The following VASH2 variants were observed in gnomAD, a reference collection of about 807,000 sequenced individuals.
VASH2 encodes vasohibin 2.
VASH2 carries 28 observed loss-of-function variants against 37.2 expected under a neutral mutation model. The observed-to-expected ratio is 0.75, with a 90% confidence interval of 0.56 to 1.03. VASH2 has a LOEUF of 1.03. Ranked by LOEUF, VASH2 falls within the 50% of genes least tolerant of loss-of-function variation. The probability of loss-of-function intolerance (pLI) is 0.00; values close to 1 mark genes in which losing one functional copy is unlikely to be tolerated. For synonymous variants in VASH2, 188 were observed against 174.7 expected (o/e 1.08, Z -0.60); for missense variants, 419 against 459.1 (o/e 0.91, Z 0.80).
Position 212,989,630 on chromosome 1 carries a change from G to A in VASH2, c.*1046G>A, listed in dbSNP as rs2075837201. The A allele has an allele frequency of 6.6e-6, 1 of 152,170 alleles. No homozygotes were observed. The highest frequency in any genetic ancestry group is 1.5e-5 in the Non-Finnish European group (1 of 68,028). 9.4% of individuals were successfully genotyped at this position (152,170 alleles called of 1,614,324 possible). On this transcript the variant is annotated 3_prime_UTR_variant, in exon 8 of 8. Coordinates refer to ENST00000517399, the MANE Select transcript of VASH2 (RefSeq NM_001301056.2). Reference sequence around the variant, plus strand: ...CTGATGTCTTATATTAAGACCAAATGTGACATGATGTGATTATCTTCCAGT... The same window carrying A: ...CTGATGTCTTATATTAAGACCAAATATGACATGATGTGATTATCTTCCAGT...
In VASH2 at chr1:212,990,589, G is replaced by T. The variant is rs537651119; in HGVS notation, c.*2005G>T. 8.5e-5 allele frequency: 13 copies of T among 152,278 alleles called. No individual in the cohort carries two copies. The highest frequency in any genetic ancestry group is 2.9e-4 in the African/African-American group (12 of 41,562). 9.4% of individuals were successfully genotyped at this position (152,278 alleles called of 1,614,324 possible). On this transcript the variant is annotated 3_prime_UTR_variant, in exon 8 of 8. Transcript: ENST00000517399. ...TAAGTACTGTTACATCTAAAATACA[G>T]AATGTCAAATGGTTGCATAGCTTGT...
At chr1:212,968,416 G>A in intron 5 of VASH2, 1 of 985,544 alleles carries the variant, frequency 1.0e-6, no homozygotes, top group South Asian at 4.7e-5. Flanking sequence ...CTGGGGACAG[G>A]AGGATTGGTC....
At chr1:212,978,483 C>T (rs1350298296) in intron 7 of VASH2, among the ~76,000 whole-genome samples, 2 of 152,184 alleles carry the variant, frequency 1.3e-5, no homozygotes, top group African/African-American at 4.8e-5. Context: ...GCCCCAAAGT[C>T]GATCCCAGCC....
intron 3 of VASH2, among the ~76,000 whole-genome samples, chr1:212,963,376 C>T (rs1015581823): frequency 2.6e-5 from 4 of 152,230 alleles, no homozygotes; most frequent in African/African-American, 9.6e-5. Flanking sequence ...ACCCACTCTT[C>T]TACCTGCTGA....
intron 5 of VASH2, chr1:212,968,388 A>G (rs575402455): frequency 1.6e-5 from 16 of 985,498 alleles, no homozygotes; most frequent in Admixed American, 6.1e-5. Context: ...GTGGAAGGAC[A>G]TGTGGCTCAG....
rs950648930 is a variant in VASH2 at position 212,950,991 on chromosome 1, C to G, written c.-205+251C>G. Among the ~76,000 whole-genome samples the G allele has an allele frequency of 3.9e-5, 6 of 152,244 alleles. No individual in the cohort carries two copies. The highest frequency in any genetic ancestry group is 1.4e-4 in the African/African-American group (6 of 41,474). On this transcript the variant is annotated intron_variant, in intron 1 of 7. Transcript: ENST00000517399. This position sits in a 1 kb window ranked among gnomAD's most constrained non-coding sequence, Gnocchi z 5.5. Reference sequence around the variant, plus strand: ...GTTCGTGGCTCCCCTCCTCTCTTGGCCACATCTGAGGACCCAGGAATGTGT... The same window carrying G: ...GTTCGTGGCTCCCCTCCTCTCTTGGGCACATCTGAGGACCCAGGAATGTGT...
At chr1:212,963,315 C>A (rs1023655885) in intron 3 of VASH2, among the ~76,000 whole-genome samples, 2 of 152,188 alleles carry the variant, frequency 1.3e-5, no homozygotes, top group Non-Finnish European at 2.9e-5. Context: ...GCTGCGGGGA[C>A]CTGCTCCCAG....
rs190663450 is a variant in VASH2 at position 212,989,013 on chromosome 1, T to G, written c.*429T>G. ...ATAACAGAAAGCAAAAATGGGTGGG[T>G]TTTTTTTAAGCAGTTATTACCTCAG... On this transcript the variant is annotated 3_prime_UTR_variant, in exon 8 of 8. Coordinates refer to ENST00000517399, the MANE Select transcript of VASH2 (RefSeq NM_001301056.2). 62 of 164,228 alleles carry G rather than the reference T, an allele frequency of 3.8e-4. No individual in the cohort carries two copies. The highest frequency in any genetic ancestry group is 3.4e-3 in the Admixed American group (58 of 17,168). The allele number at this position is 164,228 out of a possible 1,614,324, so 10.2% of individuals were successfully genotyped here. A position where few individuals can be genotyped will look rare whatever the true frequency, so the allele number is the denominator to read the frequency against.
chr1:212,963,245 G>T (rs1666730449), intron 3 of VASH2, among the ~76,000 whole-genome samples: 1 of 152,160 alleles, frequency 6.6e-6, no homozygotes, highest in South Asian at 2.1e-4. Context: ...TGACTGCGAA[G>T]GTCAATGACC....
At chr1:212,987,865 T>C (rs1257182655) in intron 7 of VASH2, among the ~76,000 whole-genome samples, 1 of 152,230 alleles carries the variant, frequency 6.6e-6, no homozygotes, top group African/African-American at 2.4e-5. Flanking sequence ...ATGTGAATGT[T>C]GTATTTCCCA....
intron 2 of VASH2, among the ~76,000 whole-genome samples, chr1:212,956,481 C>G (rs1447356963): frequency 6.6e-6 from 1 of 152,196 alleles, no homozygotes; most frequent in East Asian, 1.9e-4. Flanking sequence ...GTGGTGAGAC[C>G]GTTGAGGGGA....
intron 7 of VASH2, among the ~76,000 whole-genome samples, chr1:212,984,161 A>T (rs1667411104): frequency 6.6e-6 from 1 of 152,216 alleles, no homozygotes; most frequent in South Asian, 2.1e-4. Context: ...TGCGAGGGAA[A>T]AGACTAAGAA....
At chr1:212,957,967 G>A (rs1345389576) in intron 2 of VASH2, among the ~76,000 whole-genome samples, 3 of 152,224 alleles carry the variant, frequency 2.0e-5, no homozygotes, top group Non-Finnish European at 2.9e-5. Context: ...ATTAGGTCAT[G>A]TAATGCTTAC....
chr1:212,969,637 G>A (rs1429979802), intron 5 of VASH2, among the ~76,000 whole-genome samples: 1 of 152,182 alleles, frequency 6.6e-6, no homozygotes, highest in African/African-American at 2.4e-5. Context: ...CTGACCTCAG[G>A]TGATCTGCCC....
intron 2 of VASH2, among the ~76,000 whole-genome samples, chr1:212,956,810 C>T (rs1338740286): frequency 6.6e-6 from 1 of 152,090 alleles, no homozygotes; most frequent in Non-Finnish European, 1.5e-5. Context: ...TTATTATTTG[C>T]TTTTCTTCTT....
intron 7 of VASH2, among the ~76,000 whole-genome samples, 159 bp from the exon 8 acceptor site, chr1:212,988,353 G>C (rs2075818237): frequency 6.6e-6 from 1 of 152,196 alleles, no homozygotes; most frequent in African/African-American, 2.4e-5. Context: ...TTAAGAACAA[G>C]AAGTAGAGTT....
At chr1:212,982,656 CCTA>C (rs3051451) in intron 7 of VASH2, among the ~76,000 whole-genome samples, 8,952 of 152,234 alleles carry the variant, frequency 0.059, 861 homozygotes, top group African/African-American at 0.2. Context: ...GCTGTGATAA[CCTA>C]CTTCTGCCCT....
At chr1:212,961,739 A>T (rs530914144) in intron 3 of VASH2, among the ~76,000 whole-genome samples, 3 of 152,266 alleles carry the variant, frequency 2.0e-5, no homozygotes, top group Admixed American at 6.5e-5. Flanking sequence ...AGTAGCTGGG[A>T]TTACAGGCAT....
chr1:212,972,791 A>G lies in VASH2; in HGVS notation c.709A>G (p.Lys237Glu), dbSNP rs1457333432. The G allele has an allele frequency of 1.2e-6, 2 of 1,614,070 alleles. No individual in the cohort carries two copies. The highest frequency in any genetic ancestry group is 2.7e-5 in the African/African-American group (2 of 74,920). Residue 237 changes from lysine (K) to glutamate (E), a missense_variant, in exon 6 of 8, where the codon AAG (lysine) becomes GAG (glutamate). Physicochemically the swap from Lys to Glu is moderately conservative, Grantham distance 56. This residue lies in a region of VASH2 where 177 missense variants were observed against 166.2 expected (regional missense o/e 1.06). Transcript: ENST00000517399. ...CATCTTTGACTTTGAGGACTCTTAC[A>G]AGAAATACCTGCACACAGTCAAGAA... ...DLIFDFEDSY[K>E]KYLHTVKKVK...
Sources: allele counts gnomAD v4.1 joint callset (sites outside exome capture counted in the v4.1 genomes callset), GRCh38; gene constraint gnomAD v4.1.1; regional missense constraint gnomAD v4.1.1; non-coding constraint Gnocchi (gnomAD v3.1); transcripts MANE v1.5; gene names NCBI Gene and HGNC (gene_info 2026-07-23, HGNC 2026-07-21).